Variants in PIEZO1 observed in about 807,000 individuals in gnomAD.
PIEZO1 encodes the protein piezo type mechanosensitive ion channel component 1 (Er blood group), also known as piezo-type mechanosensitive ion channel component 1.
Under a neutral mutation model 297.2 loss-of-function variants are expected in PIEZO1, and 296 were observed. The observed-to-expected ratio is 1.00, with a 90% CI of 0.91 to 1.10. The LOEUF is 1.10. Ranked by LOEUF, PIEZO1 falls within the 50% of genes least tolerant of loss-of-function variation. The pLI, the probability that PIEZO1 is intolerant of heterozygous loss-of-function variation, is 0.00. For synonymous variants in PIEZO1, 2,427 were observed against 1,507.5 expected, an observed-to-expected ratio of 1.61 and a Z score of -14.13; for missense variants, 5,018 against 3,455.5, an observed-to-expected ratio of 1.45 and a Z score of -11.34.
rs750968007 is a variant in PIEZO1, at chr16:88,720,622, A to G, written c.5795T>C (p.Leu1932Pro). 1.3e-6 allele frequency: 2 copies of G among 1,542,984 alleles called. No homozygotes were observed. The highest frequency in any genetic ancestry group is 1.7e-6 in the Non-Finnish European group (2 of 1,145,058). Residue 1932 changes from leucine to proline, a missense_variant, in exon 40 of 51, where the codon CTG (leucine) becomes CCG (proline). Coordinates refer to ENST00000301015, the MANE Select transcript of PIEZO1 (RefSeq NM_001142864.4). Reference sequence around the variant, plus strand: ...CCCGGCCGCCATCACTCACAGGGACAGGCAGAAGCCCTGCAGCCGCCGCCC... The same window carrying G: ...CCCGGCCGCCATCACTCACAGGGACGGGCAGAAGCCCTGCAGCCGCCGCCC... ...AAGRRLQGFC[L>P]SLAQGTYRPL...
chr16:88,761,318 G>T (rs1166802146), intron 1 of PIEZO1, among the ~76,000 whole-genome samples: 1 of 152,194 alleles, frequency 6.6e-6, no homozygotes, highest in Non-Finnish European at 1.5e-5. Flanking sequence ...GGGTTCCCCA[G>T]GTGACCTGCT....
In PIEZO1 at chr16:88,716,255, T is replaced by A; in HGVS notation, c.7072A>T (p.Lys2358Ter). 1 of 1,493,658 alleles carries A rather than the reference T, an allele frequency of 6.7e-7. No individual in the cohort carries two copies. Among genetic ancestry groups the A allele is most frequent in the Non-Finnish European group, 9.0e-7 (1 of 1,116,308 alleles). 92.5% of individuals were successfully genotyped at this position (1,493,658 alleles called of 1,614,324 possible). Residue 2358 changes from lysine to a stop codon, truncating the protein, a stop_gained, in exon 49 of 51, where the codon AAG (lysine) becomes TAG (stop). Transcript: ENST00000301015. LOFTEE classifies it high-confidence loss of function. Reference protein sequence around the residue: ...QSVVIPNLFPKYIRAPNGPEA... With the variant: ...QSVVIPNLFP Reference sequence around the variant, plus strand: ...GGCCCGTTGGGGGCACGGATGTACTTGGGGAAGAGATTAGGGATGACCCTG... The same window carrying A: ...GGCCCGTTGGGGGCACGGATGTACTAGGGGAAGAGATTAGGGATGACCCTG...
intron 1 of PIEZO1, among the ~76,000 whole-genome samples, chr16:88,776,435 A>G (rs1316462377): frequency 6.7e-6 from 1 of 149,160 alleles, no homozygotes; most frequent in East Asian, 2.0e-4. Context: ...CTCTGTCTCA[A>G]AAAAAAAAAA....
intron 1 of PIEZO1, among the ~76,000 whole-genome samples, chr16:88,783,496 A>C (rs1282523379): frequency 6.6e-6 from 1 of 152,228 alleles, no homozygotes; most frequent in Non-Finnish European, 1.5e-5. Context: ...GAGGAAATGG[A>C]ACGATCAGTG....
chr16:88,724,000 C>A, intron 30 of PIEZO1, 29 bp from the exon 31 acceptor site: 2 of 1,368,106 alleles, frequency 1.5e-6, no homozygotes, highest in Admixed American at 3.9e-5. Flanking sequence ...GAGAGCCAGC[C>A]TTCCATGCAG....
Position 88,717,010 on chromosome 16 carries a change from C to G in PIEZO1, c.6660+13G>C. ...GGGGATGGGAATGGACAGGCGGACC[C>G]ACACATGCTCACCTCATAGCCGCCC... is the stretch of plus-strand genomic sequence containing the variant. On this transcript the variant is annotated intron_variant, in intron 45 of 50. Coordinates refer to ENST00000301015, the MANE Select transcript of PIEZO1 (RefSeq NM_001142864.4). The G allele has an allele frequency of 1.3e-6, 2 of 1,550,116 alleles. No homozygotes were observed. Among genetic ancestry groups the G allele is most frequent in the Non-Finnish European group, 1.7e-6 (2 of 1,146,702 alleles).
rs1041284674 is a variant in PIEZO1, at chr16:88,737,595, C to A, written c.1159G>T (p.Glu387Ter). 3 of 1,534,580 alleles carry A rather than the reference C, an allele frequency of 2.0e-6. No individual in the cohort carries two copies. The highest frequency in any genetic ancestry group is 2.6e-6 in the Non-Finnish European group (3 of 1,146,544). The change falls in exon 10 of 51, where the codon GAG (glutamate) becomes TAG (stop). Residue 387 changes from glutamate (E) to a stop codon, truncating the protein, a stop_gained. Transcript: ENST00000301015. LOFTEE classifies it high-confidence loss of function. ...AGGACGGAGCTCTGGCCGGTCAGCT[C>A]GTGCACGATGCAGTTATCAGCCTCG... ...DTEADNCIVHELTGQSSVLRR... is the reference protein window; with the variant it reads ...DTEADNCIVH
chr16:88,716,303 GCCTGGCCCAGCCAA>G (rs764746748), intron 48 of PIEZO1, 26 bp from the exon 49 acceptor site: 9 of 1,495,272 alleles, frequency 6.0e-6, no homozygotes, highest in Non-Finnish European at 7.2e-6. Flanking sequence ...GGCAGGTCAG[GCCTGGCCCAGCCAA>G]CCTGGCACAG....
chr16:88,769,961 G>A (rs1216694994), intron 1 of PIEZO1, among the ~76,000 whole-genome samples: 1 of 152,172 alleles, frequency 6.6e-6, no homozygotes, highest in Non-Finnish European at 1.5e-5. Flanking sequence ...GGCAGCAGGG[G>A]GCTCTGAGGC....
In PIEZO1 at chr16:88,726,448, C is replaced by T. The variant is rs986487951; in HGVS notation, c.3804G>A (p.Glu1268=). 6.5e-6 allele frequency: 10 copies of T among 1,549,640 alleles called. No homozygotes were observed. The highest frequency in any genetic ancestry group is 1.7e-4 in the Middle Eastern group (1 of 5,996). ...CTVKGYYDPK[E]MMDRDQDCLL... is the part of the protein sequence containing the mutation. ...GGCAGTCCTGGTCTCTGTCCATCAT[C>T]TCCTTGGCTGCAAGGCAGGCACCGG... The change falls in exon 27 of 51, where the codon GAG becomes GAA. Residue 1268 remains glutamate, a synonymous_variant. Coordinates refer to ENST00000301015, the MANE Select transcript of PIEZO1 (RefSeq NM_001142864.4).
Position 88,780,346 on chromosome 16 carries a change from G to A in PIEZO1, c.64+4555C>T, listed in dbSNP as rs115777696. ...CTGAAGCCAGCAGAGGAGCTCAAAGGTCAAGAGCAGGACAGAAGGCAGATA... is the reference window on the plus strand; with the variant it reads ...CTGAAGCCAGCAGAGGAGCTCAAAGATCAAGAGCAGGACAGAAGGCAGATA... On this transcript the variant is annotated intron_variant, in intron 1 of 50. Coordinates refer to ENST00000301015, the MANE Select transcript of PIEZO1 (RefSeq NM_001142864.4). Among the ~76,000 whole-genome samples, 539 of 152,276 alleles carry A rather than the reference G, an allele frequency of 3.5e-3. 3 individuals carry two copies. The highest frequency in any genetic ancestry group is 0.012 in the African/African-American group (512 of 41,550).
rs1357558198 is a variant in PIEZO1 at position 88,722,325 on chromosome 16, G to A, written c.4848C>T (p.His1616=). Residue 1616 remains histidine (H), a synonymous_variant, in exon 36 of 51, where the codon CAC becomes CAT. Transcript: ENST00000301015. ...CTGCCTCCTCACTGCCACTGCGCGT[G>A]TGGTAGCCGGTGCTCAGGGGGCTGC... is the stretch of plus-strand genomic sequence containing the variant. ...DMGSPLSTGY[H]TRSGSEEAVT... 4.5e-6 allele frequency: 7 copies of A among 1,544,318 alleles called. No individual in the cohort carries two copies. The highest frequency in any genetic ancestry group is 1.7e-4 in the Middle Eastern group (1 of 5,968).
In PIEZO1 at chr16:88,731,833, C is replaced by T. The variant is rs1225915548; in HGVS notation, c.3069G>A (p.Val1023=). Residue 1023 remains valine, a synonymous_variant, in exon 22 of 51, where the codon GTG becomes GTA. Coordinates refer to ENST00000301015, the MANE Select transcript of PIEZO1 (RefSeq NM_001142864.4). The stretch of plus-strand genomic sequence containing the variant: ...GGCGGTGCCTGCGGGTGAGGATGGC[C>T]ACCAGCCAGCAACCGTGCAGGGTCA... The part of the protein sequence containing the change: ...FLVTLHGCWL[V]AILTRRHRQA... The T allele has an allele frequency of 5.0e-6, 6 of 1,203,416 alleles. No individual in the cohort carries two copies. The highest frequency in any genetic ancestry group is 3.3e-5 in the Admixed American group (1 of 30,710). 74.5% of individuals were successfully genotyped at this position (1,203,416 alleles called of 1,614,324 possible).
At position 88,734,343 on chromosome 16, in the gene PIEZO1, G is replaced by T; in HGVS notation, c.2180+13C>A. The T allele has an allele frequency of 6.6e-7, 1 of 1,505,980 alleles. No individual in the cohort carries two copies. Among genetic ancestry groups the T allele is most frequent in the Non-Finnish European group, 8.9e-7 (1 of 1,123,366 alleles). The allele number at this position is 1,505,980 out of a possible 1,614,324, so 93.3% of individuals were successfully genotyped here. On this transcript the variant is annotated intron_variant, in intron 16 of 50. Coordinates refer to ENST00000301015, the MANE Select transcript of PIEZO1 (RefSeq NM_001142864.4). Reference sequence around the variant, plus strand: ...CACCTCTCCAGGGCCGGACAGGGAGGGCGGGGCCGCACCTGTGAGCCCAGC... The same window carrying T: ...CACCTCTCCAGGGCCGGACAGGGAGTGCGGGGCCGCACCTGTGAGCCCAGC...
rs1047562148 is a variant in PIEZO1, at chr16:88,716,943, G to C, written c.6661-45C>G. 28 of 1,546,032 alleles carry C rather than the reference G, an allele frequency of 1.8e-5. No individual in the cohort carries two copies. The African/African-American group carries it at 3.7e-4, about 20-fold the overall frequency. Reference sequence around the variant, plus strand: ...ACGGGGCCACGAAGATGAGCGTGGAGGAGCGGCTGGGGGTGGTGCACCACC... The same window carrying C: ...ACGGGGCCACGAAGATGAGCGTGGACGAGCGGCTGGGGGTGGTGCACCACC... On this transcript the variant is annotated intron_variant, in intron 45 of 50. Coordinates refer to ENST00000301015, the MANE Select transcript of PIEZO1 (RefSeq NM_001142864.4).
chr16:88,716,172 C>A (rs1230862398), intron 49 of PIEZO1, 26 bp downstream of exon 49: 2 of 1,515,026 alleles, frequency 1.3e-6, no homozygotes, highest in African/African-American at 1.4e-5. Context: ...TCTCTAGCCT[C>A]CCCCAACCCC....
intron 1 of PIEZO1, among the ~76,000 whole-genome samples, chr16:88,759,146 G>A (rs1906810502): frequency 6.6e-6 from 1 of 152,272 alleles, no homozygotes; most frequent in Non-Finnish European, 1.5e-5. Flanking sequence ...AAGCAGGGCA[G>A]GTCGCTTGGT....
chr16:88,760,061 G>A (rs1310580253), intron 1 of PIEZO1, among the ~76,000 whole-genome samples: 2 of 152,212 alleles, frequency 1.3e-5, no homozygotes, highest in African/African-American at 4.8e-5. Context: ...CAGCGGACGT[G>A]ACACCTGGTC....
In PIEZO1 at chr16:88,751,525, C is replaced by T. The variant is rs551942770; in HGVS notation, c.65-2046G>A. Among the ~76,000 whole-genome samples, 5 of 152,330 alleles carry T rather than the reference C, an allele frequency of 3.3e-5. No individual in the cohort carries two copies. In the South Asian group the frequency reaches 1.0e-3, roughly 32 times the overall value. ...AGTGCCGGGCTCCGGGGGGCACCGC[C>T]CGCCCTGCTGGACACAGCAGCCTCC... is the stretch of plus-strand genomic sequence containing the variant. On this transcript the variant is annotated intron_variant, in intron 1 of 50. Coordinates refer to ENST00000301015, the MANE Select transcript of PIEZO1 (RefSeq NM_001142864.4).
Sources: allele counts gnomAD v4.1 joint callset (sites outside exome capture counted in the v4.1 genomes callset), GRCh38; gene constraint gnomAD v4.1.1; transcripts MANE v1.5; gene names NCBI Gene and HGNC (gene_info 2026-07-23, HGNC 2026-07-21).